Variants in DCHS2 observed in about 807,000 individuals in gnomAD.
DCHS2 encodes protocadherin-23.
Under a neutral mutation model 182.4 loss-of-function variants are expected in DCHS2, and 142 were observed. That is an observed-to-expected ratio of 0.78 (90% CI 0.68 to 0.89). DCHS2 has a LOEUF of 0.89. Among genes scored for constraint, DCHS2 ranks in the 40% least tolerant of loss-of-function variants. DCHS2 has a pLI of 0.00. For missense variants in DCHS2, 4,319 were observed against 4,198.6 expected (o/e 1.03, Z -0.79); for synonymous variants, 1,740 against 1,663.3 (o/e 1.05, Z -1.12).
chr4:154,360,033 G>C (rs1373973731), intron 3 of DCHS2, among the ~76,000 whole-genome samples: 1 of 151,906 alleles, frequency 6.6e-6, no homozygotes, highest in East Asian at 1.9e-4. Context: ...AGTGCAAGAA[G>C]TAAATTCAAG....
At chr4:154,348,507 T>C (rs980817491) in intron 3 of DCHS2, among the ~76,000 whole-genome samples, 2 of 151,948 alleles carry the variant, frequency 1.3e-5, no homozygotes, top group Non-Finnish European at 2.9e-5. Flanking sequence ...GAATATGACC[T>C]TATTTGGAAA....
At chr4:154,447,540 T>G (rs187869988) in intron 1 of DCHS2, among the ~76,000 whole-genome samples, 12 of 152,348 alleles carry the variant, frequency 7.9e-5, no homozygotes, top group African/African-American at 2.2e-4. Flanking sequence ...GGGTTTTTGA[T>G]ATTTTGAAAA....
rs1728832770 is a variant in DCHS2 at position 154,491,382 on chromosome 4, C to T, written c.-27G>A. 4.1e-6 allele frequency: 6 copies of T among 1,479,592 alleles called. No individual in the cohort carries two copies. The highest frequency in any genetic ancestry group is 5.4e-6 in the Non-Finnish European group (6 of 1,111,606). The allele number at this position is 1,479,592 out of a possible 1,614,324, so 91.7% of individuals were successfully genotyped here. ...TCTCCTCCAGCTCCTTGGGAAGGCT[C>T]TCGGGTAACTGCCAGCTTGTGGCAG... On this transcript the variant is annotated 5_prime_UTR_variant, in exon 1 of 20. Coordinates refer to ENST00000357232, the MANE Select transcript of DCHS2 (RefSeq NM_001358235.2).
intron 13 of DCHS2, among the ~76,000 whole-genome samples, chr4:154,291,124 A>G (rs1408782927): frequency 1.3e-5 from 2 of 152,172 alleles, no homozygotes; most frequent in African/African-American, 4.8e-5. Flanking sequence ...AAAAATGGGC[A>G]AAACACCCAA....
At chr4:154,441,505 T>TGCAAA (rs371415509) in intron 1 of DCHS2, among the ~76,000 whole-genome samples, 213 of 152,268 alleles carry the variant, frequency 1.4e-3, no homozygotes, top group African/African-American at 5.0e-3. Flanking sequence ...GGTAAAGCTC[T>TGCAAA]TTGTATTTGC....
At chr4:154,405,730 G>A (rs780714387) in intron 1 of DCHS2, among the ~76,000 whole-genome samples, 12 of 151,940 alleles carry the variant, frequency 7.9e-5, no homozygotes, top group African/African-American at 1.2e-4. Context: ...TTAAGTCCTC[G>A]AACACATTTT....
chr4:154,474,169 C>T (rs925331074), intron 1 of DCHS2, among the ~76,000 whole-genome samples: 5 of 152,334 alleles, frequency 3.3e-5, no homozygotes, highest in Non-Finnish European at 7.3e-5. Flanking sequence ...TCGAACTTCC[C>T]TTTCCCTTGT....
chr4:154,424,577 T>C (rs1733244492), intron 1 of DCHS2, among the ~76,000 whole-genome samples: 1 of 152,198 alleles, frequency 6.6e-6, no homozygotes, highest in African/African-American at 2.4e-5. Flanking sequence ...ATTGAATTAC[T>C]ACATCAAACC....
At chr4:154,308,607 T>C (rs1735545731) in intron 10 of DCHS2, among the ~76,000 whole-genome samples, 1 of 152,194 alleles carries the variant, frequency 6.6e-6, no homozygotes, top group African/African-American at 2.4e-5. Flanking sequence ...GAGTGGAAGA[T>C]GATTAAATCA....
intron 1 of DCHS2, among the ~76,000 whole-genome samples, chr4:154,406,010 C>T (rs974691561): frequency 3.9e-5 from 6 of 152,208 alleles, no homozygotes; most frequent in Non-Finnish European, 5.9e-5. Context: ...TTTCTGTAAT[C>T]TCAAAAGAAT....
chr4:154,269,850 A>G, intron 14 of DCHS2, 50 bp downstream of exon 14: 1 of 1,573,392 alleles, frequency 6.4e-7, no homozygotes, highest in South Asian at 1.2e-5. Flanking sequence ...TGCAGAAATA[A>G]CATTAAATGG....
At chr4:154,253,523 A>G (rs2111148402) in intron 16 of DCHS2, among the ~76,000 whole-genome samples, 1 of 152,318 alleles carries the variant, frequency 6.6e-6, no homozygotes, top group South Asian at 2.1e-4. Context: ...TAATCACTCA[A>G]TTAGATTGAG....
intron 1 of DCHS2, among the ~76,000 whole-genome samples, chr4:154,380,488 A>G (rs1202738630): frequency 1.3e-5 from 2 of 152,150 alleles, no homozygotes; most frequent in African/African-American, 4.8e-5. Context: ...GGTATTCTCA[A>G]TAACTTTGGC....
chr4:154,311,246 T>C (rs187529716), intron 10 of DCHS2, among the ~76,000 whole-genome samples: 3 of 152,278 alleles, frequency 2.0e-5, no homozygotes, highest in African/African-American at 7.2e-5. Context: ...TTCTTTTCTT[T>C]TTTTAAGACA....
intron 3 of DCHS2, among the ~76,000 whole-genome samples, chr4:154,363,530 A>C (rs1385251134): frequency 2.6e-5 from 4 of 152,188 alleles, no homozygotes; most frequent in African/African-American, 9.6e-5. Flanking sequence ...ATAGAAACAG[A>C]GAGTAGAATG....
At chr4:154,414,198 G>T (rs539981530) in intron 1 of DCHS2, among the ~76,000 whole-genome samples, 1,737 of 139,338 alleles carry the variant, frequency 0.012, 12 homozygotes, top group African/African-American at 0.021. Context: ...TATATATATA[G>T]AGAGAGAGAG....
chr4:154,360,620 G>A (rs7687041), intron 3 of DCHS2, among the ~76,000 whole-genome samples: 129,377 of 152,100 alleles, frequency 0.85, 55,158 homozygotes, highest in South Asian at 0.93. Flanking sequence ...GGAAGGTGGC[G>A]TTTGTGAAGA....
chr4:154,359,593 T>A (rs1730025393), intron 3 of DCHS2, among the ~76,000 whole-genome samples: 1 of 152,066 alleles, frequency 6.6e-6, no homozygotes, highest in Admixed American at 6.6e-5. Flanking sequence ...CAATACCATT[T>A]TCTTCTTAGT....
At chr4:154,250,646 C>G (rs1194604652) in intron 16 of DCHS2, among the ~76,000 whole-genome samples, 1 of 152,156 alleles carries the variant, frequency 6.6e-6, no homozygotes, top group African/African-American at 2.4e-5. Context: ...TGATCAAGTT[C>G]CTATGGATTC....
Sources: gnomAD v4.1 joint callset for allele counts (sites outside exome capture counted in the v4.1 genomes callset) on GRCh38, gnomAD v4.1.1 for gene constraint, MANE v1.5 for transcripts, NCBI Gene and HGNC (gene_info 2026-07-23, HGNC 2026-07-21) for gene names.